ZNF75D: variants seen among roughly 807,000 people sequenced by gnomAD.
ZNF75D encodes zinc finger protein 75D.
In ZNF75D, 33 loss-of-function variants were observed where a neutral mutation model predicts 33.3. That is an observed-to-expected ratio of 0.99 (90% CI 0.75 to 1.32). The LOEUF (loss-of-function observed/expected upper bound fraction) is 1.32. Among genes scored for constraint, ZNF75D ranks in the 40% most tolerant of loss-of-function variants. The probability of loss-of-function intolerance (pLI) is 0.00; values close to 1 mark genes in which losing one functional copy is unlikely to be tolerated. For synonymous variants in ZNF75D, 113 were observed against 130.6 expected (o/e 0.87, Z 0.92); for missense variants, 338 against 367.5 (o/e 0.92, Z 0.66).
At chrX:135,248,952 T>A (rs1367679380) in exon 4 of ZNF75D, 1 of 316,800 alleles carries the variant, frequency 3.2e-6, no homozygotes, top group African/African-American at 2.8e-5. Context: ...AATGGTTGCA[T>A]CAGGGGAAGG....
intron 1 of ZNF75D, among the ~76,000 whole-genome samples, chrX:135,280,239 G>A (rs1556418288): frequency 8.9e-6 from 1 of 111,846 alleles, no homozygotes; most frequent in Non-Finnish European, 1.9e-5. Context: ...ATCATGTAAC[G>A]CCCTTCTTTG....
At chrX:135,306,774 T>C (rs1556425863) in intron 1 of ZNF75D, among the ~76,000 whole-genome samples, 1 of 112,907 alleles carries the variant, frequency 8.9e-6, no homozygotes, top group Non-Finnish European at 1.9e-5. Context: ...TTTGTCCTCA[T>C]CTTTCTAGGT....
chrX:135,266,195 G>A (rs2083862355), intron 1 of ZNF75D, among the ~76,000 whole-genome samples: 1 of 111,235 alleles, frequency 9.0e-6, no homozygotes, highest in Admixed American at 9.6e-5. Context: ...GAGGAAGACA[G>A]GAAGGAAAGA....
rs1165625545 is a variant in ZNF75D, at chrX:135,287,014, T to G, written c.*123A>C. 46 of 570,640 alleles carry G rather than the reference T, an allele frequency of 8.1e-5. No homozygotes were observed. In the African/African-American group the frequency reaches 1.0e-3, roughly 13 times the overall value. 47.0% of individuals were successfully genotyped at this position (570,640 alleles called of 1,213,427 possible). ...TAAAACAGACAGCTTAGATTCCTTT[T>G]TGTGAAGTGTAACATGTACCCTTCC... is the stretch of plus-strand genomic sequence containing the variant. On this transcript the variant is annotated 3_prime_UTR_variant, in exon 7 of 7. Coordinates refer to ENST00000370766, the MANE Select transcript of ZNF75D (RefSeq NM_007131.5).
At chrX:135,333,676 T>C (rs1196620926) in intron 1 of ZNF75D, among the ~76,000 whole-genome samples, 1 of 111,547 alleles carries the variant, frequency 9.0e-6, no homozygotes, top group Non-Finnish European at 1.9e-5. Flanking sequence ...CTACACAATA[T>C]CATGGGATGG....
intron 1 of ZNF75D, among the ~76,000 whole-genome samples, chrX:135,272,713 A>G (rs1321671632): frequency 9.0e-6 from 1 of 111,586 alleles, no homozygotes; most frequent in Non-Finnish European, 1.9e-5. Context: ...GGAAGAGAAC[A>G]TAAGGCCAAT....
At chrX:135,318,782 C>T (rs1349748510) in intron 1 of ZNF75D, among the ~76,000 whole-genome samples, 1 of 111,594 alleles carries the variant, frequency 9.0e-6, no homozygotes, top group African/African-American at 3.3e-5. Context: ...GCAACTAAAA[C>T]TGATGTGGCG....
intron 1 of ZNF75D, among the ~76,000 whole-genome samples, chrX:135,260,313 T>C (rs1357657444): frequency 8.9e-6 from 1 of 112,346 alleles, no homozygotes; most frequent in Non-Finnish European, 1.9e-5. Context: ...CCTCATAAAA[T>C]GAGTTAGGGA....
intron 1 of ZNF75D, among the ~76,000 whole-genome samples, chrX:135,313,004 T>A (rs1213012547): frequency 8.9e-6 from 1 of 112,117 alleles, no homozygotes; most frequent in Non-Finnish European, 1.9e-5. Flanking sequence ...TAGTTTGATA[T>A]AGTCCTTTTT....
chrX:135,337,635 G>A lies in ZNF75D; in HGVS notation c.-391+4133C>T, dbSNP rs189122683. On this transcript the variant is annotated intron_variant, in intron 1 of 6. Coordinates refer to ENST00000370766, the MANE Select transcript of ZNF75D (RefSeq NM_007131.5). ...GAGTCTTGAAGACACCCACATGTAGGTGGCAGGAATGGAGGAGTGCATTAG... is the reference window on the plus strand; with the variant it reads ...GAGTCTTGAAGACACCCACATGTAGATGGCAGGAATGGAGGAGTGCATTAG... Among the ~76,000 whole-genome samples, 5 of 111,607 alleles carry A rather than the reference G, an allele frequency of 4.5e-5. No homozygotes were observed. In the East Asian group the frequency reaches 1.4e-3, roughly 31 times the overall value.
chrX:135,289,627 GACACACACACACAC>G lies in ZNF75D; in HGVS notation c.823+1368_823+1381del, dbSNP rs60550937. 9.4e-3 allele frequency among the ~76,000 whole-genome samples: 838 copies of G among 88,796 alleles called. 6 individuals are homozygous for G. The highest frequency in any genetic ancestry group is 0.013 in the Non-Finnish European group (594 of 46,174). 77.1% of individuals were successfully genotyped at this position (88,796 alleles called of 115,157 possible). On this transcript the variant is annotated intron_variant, in intron 6 of 6. Transcript: ENST00000370766. ...TGAGACTCTGACACACACACACACA[GACACACACACACAC>G]ACACACACACACACACACACACACA...
intron 1 of ZNF75D, among the ~76,000 whole-genome samples, chrX:135,261,948 G>A: frequency 9.0e-6 from 1 of 111,635 alleles, no homozygotes. Context: ...TTGTTTTCAT[G>A]TATAGTGCTT....
chrX:135,339,512 C>T (rs977808582), intron 1 of ZNF75D, among the ~76,000 whole-genome samples: 2 of 112,173 alleles, frequency 1.8e-5, no homozygotes, highest in African/African-American at 3.2e-5. Context: ...GGTCTCACTC[C>T]CAGAGCTACC....
At position 135,273,098 on chromosome X, in the gene ZNF75D, G is replaced by T. The variant is rs184166414; in HGVS notation, n.828-17321C>A. Among the ~76,000 whole-genome samples the T allele has an allele frequency of 3.6e-5, 4 of 111,981 alleles. No homozygotes were observed. The East Asian group carries it at 1.1e-3, about 32-fold the overall frequency. ...CCTCCATTATAACATACTTTGGTGAGCCAGCCAGGAGGTAAGCCTAAAGTT... is the reference window on the plus strand; with the variant it reads ...CCTCCATTATAACATACTTTGGTGATCCAGCCAGGAGGTAAGCCTAAAGTT... On this transcript the variant is annotated intron_variant and non_coding_transcript_variant, in intron 1 of 3. Transcript: ENST00000494295.
At chrX:135,281,744 C>T (rs1556418533), downstream of ZNF75D, among the ~76,000 whole-genome samples, 1 of 112,253 alleles carries the variant, frequency 8.9e-6, no homozygotes, top group Admixed American at 9.4e-5. Flanking sequence ...ACAGTCAGGC[C>T]CTTCTGCTTC....
At chrX:135,281,583 T>C (rs2083920065), downstream of ZNF75D, among the ~76,000 whole-genome samples, 1 of 111,981 alleles carries the variant, frequency 8.9e-6, no homozygotes, top group African/African-American at 3.2e-5. Context: ...TTTTTGGAAT[T>C]TTCAGCCTTT....
intron 1 of ZNF75D, chrX:135,298,328 C>A (rs1556423660): frequency 8.9e-6 from 1 of 111,975 alleles, no homozygotes; most frequent in Non-Finnish European, 1.9e-5. Context: ...TGAAGAACAA[C>A]AACAGATGGC....
At chrX:135,292,521 T>G (rs1010873149) in intron 3 of ZNF75D, 48 bp from the exon 4 acceptor site, 1 of 1,145,667 alleles carries the variant, frequency 8.7e-7, no homozygotes, top group Non-Finnish European at 1.2e-6. Context: ...CTTTTGGTTT[T>G]GGGGTGGTAG....
intron 1 of ZNF75D, among the ~76,000 whole-genome samples, chrX:135,337,925 G>C (rs2084735279): frequency 9.0e-6 from 1 of 110,826 alleles, no homozygotes; most frequent in Non-Finnish European, 1.9e-5. Context: ...AATTTGGTGT[G>C]TGAGGTAAGC....
Sources: gnomAD v4.1 joint callset for allele counts (sites outside exome capture counted in the v4.1 genomes callset) on GRCh38, gnomAD v4.1.1 for gene constraint, MANE v1.5 for transcripts, NCBI Gene and HGNC (gene_info 2026-07-23, HGNC 2026-07-21) for gene names.